The following GABRB3 variants were observed in gnomAD, a reference collection of about 807,000 sequenced individuals.
The protein encoded by GABRB3 is gamma-aminobutyric acid receptor subunit beta-3.
Under a neutral mutation model 52.1 loss-of-function variants are expected in GABRB3, and 14 were observed. The observed-to-expected ratio is 0.27, with a 90% CI of 0.18 to 0.42. GABRB3 has a LOEUF of 0.42. GABRB3 is among the 10% of genes least tolerant of loss of function. GABRB3 has a pLI of 1.00. For synonymous variants in GABRB3, 260 were observed against 232.3 expected (o/e 1.12, Z -1.08); for missense variants, 307 against 609.1 (o/e 0.50, Z 5.22).
At chr15:26,740,023 C>T (rs1890160749) in intron 3 of GABRB3, among the ~76,000 whole-genome samples, 1 of 152,276 alleles carries the variant, frequency 6.6e-6, no homozygotes, top group East Asian at 1.9e-4. Context: ...GACTCCCTTG[C>T]TTTTAAACAA....
chr15:26,583,935 C>T lies in GABRB3; in HGVS notation c.462-521G>A, dbSNP rs1386526562. ...GACTACAGGCGCCTGCCACCACGCC[C>T]AGCTAATTTTTTTGTATTTTTTAGT... On this transcript the variant is annotated intron_variant, in intron 4 of 8. Coordinates refer to ENST00000311550, the MANE Select transcript of GABRB3 (RefSeq NM_000814.6). 8.7e-4 allele frequency among the ~76,000 whole-genome samples: 132 copies of T among 152,104 alleles called. 2 individuals carry two copies. The highest frequency in any genetic ancestry group is 1.2e-4 in the Non-Finnish European group (8 of 67,986).
intron 3 of GABRB3, among the ~76,000 whole-genome samples, chr15:26,707,469 A>G (rs1008634189): frequency 6.6e-6 from 1 of 152,204 alleles, no homozygotes. Flanking sequence ...CTCAGAGTGA[A>G]TGTTTAATTA....
chr15:26,647,322 A>G lies in GABRB3; in HGVS notation c.241-25788T>C, dbSNP rs548254308. Among the ~76,000 whole-genome samples the G allele has an allele frequency of 5.9e-5, 9 of 152,360 alleles. No individual in the cohort carries two copies. The South Asian group carries it at 1.4e-3, about 25-fold the overall frequency. On this transcript the variant is annotated intron_variant, in intron 3 of 8. Coordinates refer to ENST00000311550, the MANE Select transcript of GABRB3 (RefSeq NM_000814.6). ...GTGAATTGTTTTTCAGTCTCTTAAC[A>G]GTATTTCAAAGAGCTGAAGTTTTAA...
intron 3 of GABRB3, among the ~76,000 whole-genome samples, chr15:26,682,493 G>A (rs2140649817): frequency 6.6e-6 from 1 of 152,280 alleles, no homozygotes; most frequent in South Asian, 2.1e-4. Flanking sequence ...GCCCGGCACG[G>A]GACAGCCCCC....
intron 8 of GABRB3, among the ~76,000 whole-genome samples, chr15:26,548,725 T>C (rs1355801558): frequency 6.6e-6 from 1 of 152,162 alleles, no homozygotes; most frequent in African/African-American, 2.4e-5. Flanking sequence ...GGGCTATATA[T>C]AAAATAGACG....
intron 6 of GABRB3, among the ~76,000 whole-genome samples, chr15:26,570,578 TTC>T (rs1890357817): frequency 6.6e-6 from 1 of 152,184 alleles, no homozygotes; most frequent in Non-Finnish European, 1.5e-5. Flanking sequence ...CCAAATTAAC[TTC>T]AGTTTTATTT....
chr15:26,581,609 C>T (rs542847423), intron 5 of GABRB3, among the ~76,000 whole-genome samples: 4 of 152,218 alleles, frequency 2.6e-5, no homozygotes, highest in Non-Finnish European at 4.4e-5. Flanking sequence ...CCCAGCCAGG[C>T]CTCACTGGTC....
chr15:26,623,238 G>A (rs1393855859), intron 3 of GABRB3, among the ~76,000 whole-genome samples: 1 of 152,212 alleles, frequency 6.6e-6, no homozygotes, highest in Non-Finnish European at 1.5e-5. Context: ...GGGTAAAAGA[G>A]AGCAGAGCGA....
chr15:26,726,365 A>C (rs1486007670), intron 3 of GABRB3, among the ~76,000 whole-genome samples: 3 of 152,212 alleles, frequency 2.0e-5, no homozygotes, highest in Admixed American at 1.3e-4. Flanking sequence ...AAATGATCAA[A>C]ACCAGGACAT....
intron 6 of GABRB3, among the ~76,000 whole-genome samples, chr15:26,568,164 C>T (rs1267881404): frequency 6.6e-6 from 1 of 152,178 alleles, no homozygotes; most frequent in East Asian, 1.9e-4. Context: ...GCCCTGAATA[C>T]AGATGTTAGA....
chr15:26,736,072 T>G (rs1890058120), intron 3 of GABRB3, among the ~76,000 whole-genome samples: 1 of 152,034 alleles, frequency 6.6e-6, no homozygotes, highest in Non-Finnish European at 1.5e-5. Context: ...TGCTAGGGAC[T>G]GAGGGGAGAG....
chr15:26,677,221 C>G (rs2140641342), intron 3 of GABRB3, among the ~76,000 whole-genome samples: 1 of 152,296 alleles, frequency 6.6e-6, no homozygotes, highest in South Asian at 2.1e-4. Flanking sequence ...TGTTCTGCCC[C>G]CCAAATACGT....
chr15:26,725,835 T>A (rs915378810), intron 3 of GABRB3, among the ~76,000 whole-genome samples: 2 of 152,232 alleles, frequency 1.3e-5, no homozygotes, highest in Admixed American at 6.5e-5. Flanking sequence ...ATTTTGTGCA[T>A]GAAACAAAGT....
At chr15:26,735,642 T>C (rs904148952) in intron 3 of GABRB3, among the ~76,000 whole-genome samples, 11 of 152,168 alleles carry the variant, frequency 7.2e-5, no homozygotes, top group African/African-American at 2.7e-4. Context: ...TTGAGGCCAT[T>C]ATTCTAAGTG....
In GABRB3 at chr15:26,583,209, CTG is replaced by C; in HGVS notation, c.544+121_544+122del. The C allele has an allele frequency of 4.0e-6, 3 of 743,618 alleles. No homozygotes were observed. The South Asian group carries it at 4.4e-5, about 11-fold the overall frequency. 46.1% of individuals were successfully genotyped at this position (743,618 alleles called of 1,614,324 possible). On this transcript the variant is annotated intron_variant, in intron 5 of 8. Transcript: ENST00000311550. ...TCTCTCTCTCTCTGTGTTTCTCTCT[CTG>C]TGTCTTCCCCTCTTTCTATGTCAAA...
At chr15:26,559,713 G>A (rs1242428483) in intron 8 of GABRB3, among the ~76,000 whole-genome samples, 1 of 152,206 alleles carries the variant, frequency 6.6e-6, no homozygotes, top group Non-Finnish European at 1.5e-5. Flanking sequence ...GTGGCTTTGT[G>A]GTTGGAAGGA....
At chr15:26,726,562 C>T (rs984391519) in intron 3 of GABRB3, among the ~76,000 whole-genome samples, 2 of 152,134 alleles carry the variant, frequency 1.3e-5, no homozygotes, top group African/African-American at 2.4e-5. Context: ...TGAGGAGTTC[C>T]GACAAGGTAT....
intron 6 of GABRB3, among the ~76,000 whole-genome samples, chr15:26,576,206 C>T (rs189412875): frequency 2.0e-5 from 3 of 152,290 alleles, no homozygotes; most frequent in South Asian, 2.1e-4. Context: ...GTTATGCAAG[C>T]GCTTTGCTCA....
At chr15:26,567,854 A>G in intron 6 of GABRB3, 121 bp from the exon 7 acceptor site, 1 of 914,388 alleles carries the variant, frequency 1.1e-6, no homozygotes, top group Non-Finnish European at 1.8e-6. Context: ...GGGGTGACCC[A>G]CCACCAAGCA....
Sources: gnomAD v4.1 joint callset for allele counts (sites outside exome capture counted in the v4.1 genomes callset) on GRCh38, gnomAD v4.1.1 for gene constraint, MANE v1.5 for transcripts, NCBI Gene and HGNC (gene_info 2026-07-23, HGNC 2026-07-21) for gene names.